The following NEO1 variants were observed in gnomAD, a reference collection of about 807,000 sequenced individuals.
NEO1 encodes the protein neogenin 1, also known as neogenin.
A neutral mutation model predicts 159.7 loss-of-function variants in NEO1; 63 were observed. The observed-to-expected ratio is 0.39, with a 90% confidence interval of 0.32 to 0.49. The LOEUF (loss-of-function observed/expected upper bound fraction) is 0.49, where lower values mean the gene tolerates loss of function less well. Ranked by LOEUF, NEO1 falls within the 20% of genes least tolerant of loss-of-function variation. The pLI is 0.85. For missense variants in NEO1, 1,615 were observed against 1,831.0 expected (o/e 0.88, Z 2.15); for synonymous variants, 633 against 662.0 (o/e 0.96, Z 0.67).
intron 5 of NEO1, among the ~76,000 whole-genome samples, chr15:73,172,047 C>T (rs1055093737): frequency 7.9e-5 from 12 of 151,976 alleles, no homozygotes; most frequent in African/African-American, 2.7e-4. Flanking sequence ...TAGTGTAATA[C>T]GTGGAGTTTG....
At chr15:73,195,364 A>C (rs2036479384) in intron 7 of NEO1, among the ~76,000 whole-genome samples, 2 of 152,212 alleles carry the variant, frequency 1.3e-5, no homozygotes, top group Non-Finnish European at 2.9e-5. Context: ...TATCACTGAC[A>C]ATCTGGCTGC....
chr15:73,078,796 C>T (rs908398409), intron 1 of NEO1, among the ~76,000 whole-genome samples: 1 of 152,188 alleles, frequency 6.6e-6, no homozygotes, highest in Non-Finnish European at 1.5e-5. Flanking sequence ...AGCTGGTTAA[C>T]CTCTCTGTGC....
intron 16 of NEO1, among the ~76,000 whole-genome samples, chr15:73,268,224 A>T (rs2041005981): frequency 6.6e-6 from 1 of 152,222 alleles, no homozygotes; most frequent in Admixed American, 6.5e-5. Context: ...AGCAAAAATT[A>T]AGTGAAAAAG....
chr15:73,293,573 A>G lies in NEO1; in HGVS notation c.3901+25A>G, dbSNP rs1318312478. On this transcript the variant is annotated intron_variant, in intron 26 of 28. Coordinates refer to ENST00000261908, the MANE Select transcript of NEO1 (RefSeq NM_002499.4). ...GGTGAGAGATGAGGATCAAGCCCAG[A>G]TGGAAACCATTCCAAAAGAGTCGGC... 3.7e-6 allele frequency: 6 copies of G among 1,601,346 alleles called. No homozygotes were observed. In the South Asian group the frequency reaches 5.5e-5, roughly 15 times the overall value.
At chr15:73,225,199 T>C (rs1021601120) in intron 7 of NEO1, among the ~76,000 whole-genome samples, 2 of 152,014 alleles carry the variant, frequency 1.3e-5, no homozygotes, top group Non-Finnish European at 2.9e-5. Context: ...CCTGTTCCAG[T>C]GGAGGTGGCA....
chr15:73,265,240 G>A (rs2040832070), intron 15 of NEO1, among the ~76,000 whole-genome samples: 1 of 152,156 alleles, frequency 6.6e-6, no homozygotes, highest in Non-Finnish European at 1.5e-5. Flanking sequence ...GGAAAAGGAG[G>A]TCTTAATAAC....
chr15:73,260,196 C>A, intron 14 of NEO1, 75 bp from the exon 15 acceptor site: 1 of 1,402,370 alleles, frequency 7.1e-7, no homozygotes, highest in Admixed American at 1.8e-5. Context: ...GGAAGCTAAA[C>A]ACCATTCCCC....
chr15:73,146,315 G>A (rs1030096939), intron 5 of NEO1, among the ~76,000 whole-genome samples: 5 of 152,070 alleles, frequency 3.3e-5, no homozygotes, highest in East Asian at 1.9e-4. Flanking sequence ...TGACCACAAC[G>A]GATTGCTTAA....
In NEO1 at chr15:73,122,614, G is replaced by T. The variant is rs776438285; in HGVS notation, c.538G>T (p.Val180Phe). The T allele has an allele frequency of 6.2e-7, 1 of 1,613,978 alleles. No individual in the cohort carries two copies. The highest frequency in any genetic ancestry group is 1.3e-5 in the African/African-American group (1 of 74,882). Residue 180 changes from valine (V) to phenylalanine (F), a missense_variant, in exon 3 of 29, where the codon GTC becomes TTC. Val to Phe is a conservative substitution (Grantham distance 50). This residue lies in a region of NEO1 where 1,018 missense variants were observed against 1,115.4 expected (regional missense o/e 0.91). Transcript: ENST00000261908. ...GAATTGTGAAGTTAATGCAGATTTGGTCCCATTTGTGAGGTGGGAACAGAA... is the reference window on the plus strand; with the variant it reads ...GAATTGTGAAGTTAATGCAGATTTGTTCCCATTTGTGAGGTGGGAACAGAA... ...ILNCEVNADL[V>F]PFVRWEQNRQ...
chr15:73,094,251 C>T (rs1377756853), intron 1 of NEO1, among the ~76,000 whole-genome samples: 4 of 152,100 alleles, frequency 2.6e-5, no homozygotes, highest in Non-Finnish European at 4.4e-5. Flanking sequence ...TCATGTTCCC[C>T]GGTCCTAGAT....
At chr15:73,145,146 G>A (rs143746120) in intron 5 of NEO1, among the ~76,000 whole-genome samples, 237 of 152,312 alleles carry the variant, frequency 1.6e-3, no homozygotes, top group African/African-American at 5.3e-3. Flanking sequence ...TTAAAAAAGG[G>A]GGGAGGTGGA....
At chr15:73,218,815 CTT>C (rs1314790253) in intron 7 of NEO1, among the ~76,000 whole-genome samples, 2 of 151,770 alleles carry the variant, frequency 1.3e-5, no homozygotes, top group Non-Finnish European at 2.9e-5. Context: ...ATTCTTCTCT[CTT>C]TTTTTATTAG....
In NEO1 at chr15:73,236,456, C is replaced by T. The variant is rs75740781; in HGVS notation, c.1401C>T (p.His467=). 1.6e-3 allele frequency: 2,578 copies of T among 1,614,110 alleles called. 39 individuals carry two copies. The African/African-American group carries it at 0.031, about 19-fold the overall frequency. ...GGCGGACACCTGCATCAGATCCTCA[C>T]GGAGACAACCTTACCTACTCTGTGT... is the stretch of plus-strand genomic sequence containing the variant. ...LTWRTPASDP[H]GDNLTYSVFY... The change falls in exon 8 of 29, where the codon CAC becomes CAT. Residue 467 remains histidine, a synonymous_variant. Transcript: ENST00000261908.
intron 5 of NEO1, among the ~76,000 whole-genome samples, chr15:73,146,111 A>G (rs573521462): frequency 6.6e-6 from 1 of 152,282 alleles, no homozygotes; most frequent in South Asian, 2.1e-4. Context: ...CCCTTCTTCC[A>G]TTAGCTGTGC....
At chr15:73,128,698 GAA>G (rs1287240128) in intron 4 of NEO1, among the ~76,000 whole-genome samples, 1 of 152,174 alleles carries the variant, frequency 6.6e-6, no homozygotes, top group Non-Finnish European at 1.5e-5. Context: ...AGTGTCAAGA[GAA>G]ATAGAGGTAA....
rs1376912180 is a variant in NEO1 at position 73,301,346 on chromosome 15, G to A, written c.4191G>A (p.Val1397=). The change falls in exon 28 of 29, where the codon GTG becomes GTA. Residue 1397 remains valine, a synonymous_variant. Transcript: ENST00000261908. ...CTCTGAACCATCACATTCACTCAGTGAAGACAGCCTCCATCGGGACTCTAG... is the reference window on the plus strand; with the variant it reads ...CTCTGAACCATCACATTCACTCAGTAAAGACAGCCTCCATCGGGACTCTAG... ...QQALNHHIHS[V]KTASIGTLGR... is the part of the protein sequence containing the mutation. The A allele has an allele frequency of 1.2e-6, 2 of 1,614,066 alleles. No individual in the cohort carries two copies. The highest frequency in any genetic ancestry group is 2.7e-5 in the African/African-American group (2 of 74,932).
chr15:73,269,947 CTTTTA>C (rs1481555147), intron 16 of NEO1, 58 bp from the exon 17 acceptor site: 16 of 1,335,026 alleles, frequency 1.2e-5, no homozygotes, highest in South Asian at 8.4e-5. Context: ...CTGCATTTCC[CTTTTA>C]TTTTATTTTT....
chr15:73,222,431 C>T (rs1482300164), intron 7 of NEO1, among the ~76,000 whole-genome samples: 2 of 151,918 alleles, frequency 1.3e-5, no homozygotes, highest in East Asian at 1.9e-4. Flanking sequence ...ATTTCAATCT[C>T]GCTGCTTGTT....
chr15:73,237,044 T>G (rs902801262), intron 8 of NEO1, among the ~76,000 whole-genome samples: 5 of 152,214 alleles, frequency 3.3e-5, no homozygotes, highest in Non-Finnish European at 7.3e-5. Flanking sequence ...CTGGCTTCAC[T>G]TTATCTGTCC....
Sources: allele counts gnomAD v4.1 joint callset (sites outside exome capture counted in the v4.1 genomes callset), GRCh38; gene constraint gnomAD v4.1.1; regional missense constraint gnomAD v4.1.1; transcripts MANE v1.5; gene names NCBI Gene and HGNC (gene_info 2026-07-23, HGNC 2026-07-21).